KCTD1: variants seen among roughly 807,000 people sequenced by gnomAD.
KCTD1 encodes the protein potassium channel tetramerization domain containing 1.
Under a neutral mutation model 66.0 loss-of-function variants are expected in KCTD1, and 24 were observed. That is an observed-to-expected ratio of 0.36 (90% confidence interval 0.26 to 0.51). The LOEUF is 0.51. Ranked by LOEUF, KCTD1 falls within the 20% of genes least tolerant of loss-of-function variation. KCTD1 has a pLI of 0.95. For missense variants in KCTD1, 943 were observed against 1,205.2 expected (o/e 0.78, Z 3.22); for synonymous variants, 511 against 517.2 (o/e 0.99, Z 0.16).
chr18:26,533,169 C>G (rs915392336), intron 1 of KCTD1, among the ~76,000 whole-genome samples: 2 of 152,186 alleles, frequency 1.3e-5, no homozygotes, highest in African/African-American at 2.4e-5. Context: ...ACAAATTCTT[C>G]AGGAATGAGA....
rs185599312 is a variant in KCTD1 at position 26,461,361 on chromosome 18, T to G, written c.2134-1436A>C. On this transcript the variant is annotated intron_variant, in intron 3 of 4. Coordinates refer to ENST00000580059, the MANE Select transcript of KCTD1 (RefSeq NM_001142730.3). ...CTCAGTGGAATGGGCTGCTGCTTTA[T>G]TCTGTCCTTTTCCTGGCAACCCCCT... Among the ~76,000 whole-genome samples, 12 of 152,346 alleles carry G rather than the reference T, an allele frequency of 7.9e-5. No homozygotes were observed. In the East Asian group the frequency reaches 2.3e-3, roughly 29 times the overall value.
At chr18:26,574,493 G>A (rs1161979635) in intron 1 of KCTD1, among the ~76,000 whole-genome samples, 2 of 152,198 alleles carry the variant, frequency 1.3e-5, no homozygotes, top group African/African-American at 4.8e-5. Flanking sequence ...GGGCTTTGAG[G>A]GCAGGCCTTT....
At chr18:26,600,057 G>C (rs1276439265) in intron 1 of KCTD1, 3 of 1,611,142 alleles carry the variant, frequency 1.9e-6, no homozygotes, top group African/African-American at 1.3e-5. Flanking sequence ...CAGATGAGCT[G>C]CTGGATCCAG....
chr18:26,596,668 A>C (rs775263632), intron 1 of KCTD1, among the ~76,000 whole-genome samples: 6 of 152,212 alleles, frequency 3.9e-5, no homozygotes, highest in Non-Finnish European at 8.8e-5. Flanking sequence ...CTTAAATATC[A>C]GGTTCTTCTT....
upstream of KCTD1, among the ~76,000 whole-genome samples, chr18:26,629,727 T>C (rs1987577596): frequency 6.7e-6 from 1 of 149,924 alleles, no homozygotes; most frequent in Admixed American, 6.6e-5. Flanking sequence ...CCCCCGCCTT[T>C]TTTTTTTTTT....
At chr18:26,516,084 C>T (rs1364264156) in intron 1 of KCTD1, among the ~76,000 whole-genome samples, 1 of 151,130 alleles carries the variant, frequency 6.6e-6, no homozygotes, top group Non-Finnish European at 1.5e-5. Context: ...TCCAAAGAGG[C>T]CAAGAAGTGA....
chr18:26,474,506 A>T (rs1050813610), intron 3 of KCTD1, among the ~76,000 whole-genome samples: 3 of 152,212 alleles, frequency 2.0e-5, no homozygotes, highest in African/African-American at 7.2e-5. Context: ...TGCCAATCTA[A>T]TGGATAAAAG....
Position 26,457,024 on chromosome 18 carries a change from A to C in KCTD1, c.2440-1123T>G, listed in dbSNP as rs1980126041. 3 of 151,830 alleles carry C rather than the reference A, an allele frequency of 2.0e-5. No homozygotes were observed. The South Asian group carries it at 6.3e-4, about 32-fold the overall frequency. The allele number at this position is 151,830 out of a possible 1,614,324, so 9.4% of individuals were successfully genotyped here. ...TAAAGTGAATCCTTACTTTTTTAAA[A>C]AGTATTATTTTTTAGTTGCCTACTT... On this transcript the variant is annotated intron_variant, in intron 4 of 4. Coordinates refer to ENST00000580059, the MANE Select transcript of KCTD1 (RefSeq NM_001142730.3).
intron 1 of KCTD1, among the ~76,000 whole-genome samples, chr18:26,613,157 G>A (rs1172471685): frequency 1.3e-5 from 2 of 152,066 alleles, no homozygotes; most frequent in East Asian, 1.9e-4. Context: ...TTGGTTTTTC[G>A]GACTCAGCAC....
rs1306327038 is a variant in KCTD1 at position 26,547,203 on chromosome 18, G to A, written c.1334C>T (p.Ser445Phe). Residue 445 changes from serine (S) to phenylalanine (F), a missense_variant, in exon 1 of 5, where the codon TCC becomes TTC. Coordinates refer to ENST00000580059, the MANE Select transcript of KCTD1 (RefSeq NM_001142730.3). ...GATGCAGTGGTTGGTGTAGGTCTTG[G>A]AGAGCTTGGCCGCCTTGGAGAGCAT... ...MQMLSKAAKLSKTYTNHCIGA... is the reference protein window; with the variant it reads ...MQMLSKAAKLFKTYTNHCIGA... 130 of 1,551,130 alleles carry A rather than the reference G, an allele frequency of 8.4e-5. No homozygotes were observed. The highest frequency in any genetic ancestry group is 1.1e-4 in the Non-Finnish European group (126 of 1,146,976).
At chr18:26,535,829 T>C (rs376993677) in intron 1 of KCTD1, among the ~76,000 whole-genome samples, 1 of 152,086 alleles carries the variant, frequency 6.6e-6, no homozygotes, top group African/African-American at 2.4e-5. Context: ...GAGGGTCAGT[T>C]TTCCTCATCT....
Position 26,455,483 on chromosome 18 carries a change from CCTTT to C in KCTD1, c.*256_*259del. On this transcript the variant is annotated 3_prime_UTR_variant, in exon 5 of 5. Transcript: ENST00000580059. Reference sequence around the variant, plus strand: ...ATCACAGCACCAACTGCGGCTGTCACCTTTTTTTTTTTTCTTTTTTGCATTTCCT... The same window carrying C: ...ATCACAGCACCAACTGCGGCTGTCACTTTTTTTTTCTTTTTTGCATTTCCT... 5.5e-6 allele frequency: 1 copy of C among 182,524 alleles called. No individual in the cohort carries two copies. The highest frequency in any genetic ancestry group is 1.2e-4 in the East Asian group (1 of 8,644). 11.3% of individuals were successfully genotyped at this position (182,524 alleles called of 1,614,324 possible). A position where few individuals can be genotyped will look rare whatever the true frequency, so the allele number is the denominator to read the frequency against.
chr18:26,534,942 T>A (rs1465147305), intron 1 of KCTD1, among the ~76,000 whole-genome samples: 1 of 152,234 alleles, frequency 6.6e-6, no homozygotes. Context: ...TTGTGTTATC[T>A]GTCATCACCA....
intron 4 of KCTD1, chr18:26,459,359 G>A (rs1980277523): frequency 2.4e-6 from 1 of 414,198 alleles, no homozygotes; most frequent in Non-Finnish European, 4.3e-6. Flanking sequence ...GAGTGGCTGG[G>A]ACTATAGGCG....
intron 3 of KCTD1, among the ~76,000 whole-genome samples, chr18:26,475,867 CA>C (rs2144600102): frequency 6.6e-6 from 1 of 152,090 alleles, no homozygotes; most frequent in East Asian, 1.9e-4. Flanking sequence ...AACAAACAAA[CA>C]AACAAAAAAA....
rs1271567869 is a variant in KCTD1 at position 26,547,214 on chromosome 18, C to T, written c.1323G>A (p.Ala441=). 6.4e-7 allele frequency: 1 copy of T among 1,550,586 alleles called. No homozygotes were observed. The highest frequency in any genetic ancestry group is 8.7e-7 in the Non-Finnish European group (1 of 1,146,728). Reference sequence around the variant, plus strand: ...TGGTGTAGGTCTTGGAGAGCTTGGCCGCCTTGGAGAGCATCTGCATCCGAG... The same window carrying T: ...TGGTGTAGGTCTTGGAGAGCTTGGCTGCCTTGGAGAGCATCTGCATCCGAG... ...LGTRMQMLSK[A]AKLSKTYTNH... is the part of the protein sequence containing the mutation. Residue 441 remains alanine, a synonymous_variant, in exon 1 of 5, where the codon GCG becomes GCA. Coordinates refer to ENST00000580059, the MANE Select transcript of KCTD1 (RefSeq NM_001142730.3).
At chr18:26,591,165 A>G (rs1362548741) in intron 1 of KCTD1, among the ~76,000 whole-genome samples, 1 of 152,028 alleles carries the variant, frequency 6.6e-6, no homozygotes, top group African/African-American at 2.4e-5. Flanking sequence ...AGCTGAAACT[A>G]CAAGTACATA....
intron 2 of KCTD1, among the ~76,000 whole-genome samples, chr18:26,488,508 G>A (rs1982027784): frequency 1.3e-5 from 2 of 152,048 alleles, no homozygotes; most frequent in South Asian, 2.1e-4. Context: ...AATTTTTGGC[G>A]GGGTGGGAGG....
intron 2 of KCTD1, among the ~76,000 whole-genome samples, chr18:26,482,907 G>T (rs116199079): frequency 4.7e-4 from 71 of 152,346 alleles, no homozygotes; most frequent in African/African-American, 1.7e-3. Flanking sequence ...CGAGAAAAGG[G>T]AAGGGCCCGG....
Sources: allele counts gnomAD v4.1 joint callset (sites outside exome capture counted in the v4.1 genomes callset), GRCh38; gene constraint gnomAD v4.1.1; transcripts MANE v1.5; gene names NCBI Gene and HGNC (gene_info 2026-07-23, HGNC 2026-07-21).